Variants in DNAH6 observed in about 807,000 individuals in gnomAD.
DNAH6 encodes the protein dynein axonemal heavy chain 6.
DNAH6 carries 340 observed loss-of-function variants against 491.4 expected under a neutral mutation model. The ratio of observed to expected loss-of-function variants is 0.69; its 90% CI spans 0.63 to 0.76. The LOEUF (loss-of-function observed/expected upper bound fraction) is 0.76. Ranked by LOEUF, DNAH6 falls within the 30% of genes least tolerant of loss-of-function variation. The pLI is 0.00. For missense variants in DNAH6, 4,443 were observed against 4,972.2 expected (o/e 0.89, Z 3.20); for synonymous variants, 1,603 against 1,686.1 (o/e 0.95, Z 1.21).
rs533166008 is a variant in DNAH6 at position 84,569,976 on chromosome 2, C to T, written c.1804-3491C>T. Reference sequence around the variant, plus strand: ...GTGGGGTGTATGTGCGTTTCCTAGACCTGTCTGTTGAAATAGGCTACAAGC... The same window carrying T: ...GTGGGGTGTATGTGCGTTTCCTAGATCTGTCTGTTGAAATAGGCTACAAGC... On this transcript the variant is annotated intron_variant, in intron 11 of 76. Transcript: ENST00000389394. Among the ~76,000 whole-genome samples the T allele has an allele frequency of 7.3e-5, 11 of 151,586 alleles. No homozygotes were observed. In the East Asian group the frequency reaches 2.1e-3, roughly 29 times the overall value.
chr2:84,543,812 CTAAT>C (rs1296024700), intron 4 of DNAH6, among the ~76,000 whole-genome samples: 3 of 152,048 alleles, frequency 2.0e-5, no homozygotes, highest in African/African-American at 7.2e-5. Flanking sequence ...CTTATCTCAC[CTAAT>C]TAATGTTTCC....
intron 64 of DNAH6, among the ~76,000 whole-genome samples, chr2:84,763,424 C>A (rs1399075578): frequency 6.6e-6 from 1 of 151,940 alleles, no homozygotes; most frequent in African/African-American, 2.4e-5. Context: ...TTACAGTAAG[C>A]TGATTTGGTT....
intron 29 of DNAH6, among the ~76,000 whole-genome samples, chr2:84,633,013 C>T (rs565292856): frequency 8.5e-5 from 13 of 152,224 alleles, no homozygotes; most frequent in African/African-American, 2.9e-4. Flanking sequence ...CCCCCAAATG[C>T]CCCTTCCTTG....
At chr2:84,473,925 G>A in the DNAH6 span, among the ~76,000 whole-genome samples, 3 of 152,270 alleles carry the variant, frequency 2.0e-5, no homozygotes, top group Admixed American at 6.5e-5. Context: ...TTTTTAAACT[G>A]TTCTCTAACT....
At chr2:84,809,902 T>C (rs765923699) in intron 72 of DNAH6, among the ~76,000 whole-genome samples, 7 of 152,038 alleles carry the variant, frequency 4.6e-5, no homozygotes, top group Non-Finnish European at 1.0e-4. Flanking sequence ...TATATCCCAT[T>C]AGCCAAAACT....
chr2:84,686,981 T>A (rs1446676030), intron 44 of DNAH6, among the ~76,000 whole-genome samples: 5 of 152,220 alleles, frequency 3.3e-5, no homozygotes, highest in Admixed American at 6.5e-5. Context: ...GGTCTAGTCT[T>A]TTAACTCAGG....
chr2:84,740,157 A>G (rs1672378700), intron 62 of DNAH6, among the ~76,000 whole-genome samples: 1 of 152,066 alleles, frequency 6.6e-6, no homozygotes. Context: ...CTCTCTGTAC[A>G]GGTTCCTTGG....
At chr2:84,529,472 G>C (rs906530260) in intron 4 of DNAH6, among the ~76,000 whole-genome samples, 1 of 152,022 alleles carries the variant, frequency 6.6e-6, no homozygotes. Flanking sequence ...TGAGAAAAGA[G>C]GATGGCAACA....
At chr2:84,742,651 T>C (rs1672635144) in intron 62 of DNAH6, among the ~76,000 whole-genome samples, 2 of 152,198 alleles carry the variant, frequency 1.3e-5, no homozygotes, top group Admixed American at 6.5e-5. Context: ...TTCTGCCAGC[T>C]TTTTCTTTGC....
At chr2:84,720,537 C>CA (rs928112974) in intron 59 of DNAH6, among the ~76,000 whole-genome samples, 4 of 152,050 alleles carry the variant, frequency 2.6e-5, no homozygotes, top group Admixed American at 6.5e-5. Flanking sequence ...CTCGGCCTCC[C>CA]AAAGTGCTGG....
intron 12 of DNAH6, among the ~76,000 whole-genome samples, chr2:84,574,890 A>G (rs1682271171): frequency 6.6e-6 from 1 of 152,166 alleles, no homozygotes; most frequent in Non-Finnish European, 1.5e-5. Context: ...CACGTTGGAT[A>G]ACTGTGATCC....
intron 15 of DNAH6, among the ~76,000 whole-genome samples, chr2:84,585,554 C>T (rs185147801): frequency 1.3e-5 from 2 of 152,158 alleles, no homozygotes; most frequent in Non-Finnish European, 2.9e-5. Flanking sequence ...ATGGGTGACT[C>T]CTCTCTGCAG....
chr2:84,804,163 G>T (rs753132716), intron 70 of DNAH6, among the ~76,000 whole-genome samples: 6 of 141,260 alleles, frequency 4.2e-5, no homozygotes, highest in Non-Finnish European at 7.5e-5. Flanking sequence ...TCAAGATCAC[G>T]CCACTGCACT....
At chr2:84,475,896 C>T in the DNAH6 span, among the ~76,000 whole-genome samples, 2 of 152,110 alleles carry the variant, frequency 1.3e-5, no homozygotes, top group African/African-American at 2.4e-5. Flanking sequence ...CCCATAAGCA[C>T]ACAGAGCACA....
the DNAH6 span, among the ~76,000 whole-genome samples, chr2:84,482,701 T>C: frequency 6.6e-6 from 1 of 152,232 alleles, no homozygotes; most frequent in African/African-American, 2.4e-5. Context: ...TTGTGACTTA[T>C]CAGGGCCTAG....
chr2:84,733,161 G>A (rs1026061249), intron 61 of DNAH6, among the ~76,000 whole-genome samples: 3 of 152,218 alleles, frequency 2.0e-5, no homozygotes, highest in African/African-American at 7.2e-5. Flanking sequence ...GGGAAAGATC[G>A]ATGTTGGGTG....
At chr2:84,463,038 T>C in the DNAH6 span, among the ~76,000 whole-genome samples, 15 of 151,786 alleles carry the variant, frequency 9.9e-5, no homozygotes, top group African/African-American at 3.1e-4. Flanking sequence ...AGCCAAAGAG[T>C]ACCTAACTCA....
Position 84,808,453 on chromosome 2 carries a change from G to A in DNAH6, c.11650G>A (p.Val3884Ile). 6.5e-7 allele frequency: 1 copy of A among 1,544,998 alleles called. No individual in the cohort carries two copies. Among genetic ancestry groups the A allele is most frequent in the South Asian group, 1.2e-5 (1 of 82,076 alleles). ...EMEGASESLF[V>I]KDLQGRLNSL... ...GGAGGGTGCTTCTGAGAGCCTTTTTGTCAAGGATCTTCAAGGACGTCTGAA... is the reference window on the plus strand; with the variant it reads ...GGAGGGTGCTTCTGAGAGCCTTTTTATCAAGGATCTTCAAGGACGTCTGAA... The change falls in exon 72 of 77, where the codon GTC becomes ATC. Residue 3884 changes from valine to isoleucine, a missense_variant. Coordinates refer to ENST00000389394, the MANE Select transcript of DNAH6 (RefSeq NM_001370.2).
the DNAH6 span, among the ~76,000 whole-genome samples, chr2:84,480,006 ATTGATGGGGT>A: frequency 6.6e-6 from 1 of 152,328 alleles, no homozygotes; most frequent in East Asian, 1.9e-4. Flanking sequence ...CTTAACAGCA[ATTGATGGGGT>A]CTGTTTGGCC....
Sources: gnomAD v4.1 joint callset for allele counts (sites outside exome capture counted in the v4.1 genomes callset) on GRCh38, gnomAD v4.1.1 for gene constraint, MANE v1.5 for transcripts, NCBI Gene and HGNC (gene_info 2026-07-23, HGNC 2026-07-21) for gene names.